Variants in SSBP2 observed in about 807,000 individuals in gnomAD.
The protein encoded by SSBP2 is single-stranded DNA-binding protein 2.
Under a neutral mutation model 61.8 loss-of-function variants are expected in SSBP2, and 17 were observed. The observed-to-expected ratio is 0.28, with a 90% CI of 0.19 to 0.41. The LOEUF is 0.41. Among genes scored for constraint, SSBP2 ranks in the 10% least tolerant of loss-of-function variants. SSBP2 has a pLI of 1.00. For synonymous variants in SSBP2, 139 were observed against 141.3 expected, an observed-to-expected ratio of 0.98 and a Z score of 0.12; for missense variants, 310 against 458.7, an observed-to-expected ratio of 0.68 and a Z score of 2.96.
intron 9 of SSBP2, among the ~76,000 whole-genome samples, chr5:81,463,476 G>C (rs1028662720): frequency 1.3e-5 from 2 of 152,130 alleles, no homozygotes; most frequent in Non-Finnish European, 2.9e-5. Context: ...GAGGCGGGGG[G>C]ACCACTTGAG....
chr5:81,501,814 T>G (rs191656508), intron 5 of SSBP2, among the ~76,000 whole-genome samples: 2 of 152,126 alleles, frequency 1.3e-5, no homozygotes, highest in African/African-American at 4.8e-5. Context: ...CCTCCCGCCT[T>G]GGCCTCCCAA....
At chr5:81,511,720 TACAAC>T (rs1267477541) in intron 5 of SSBP2, among the ~76,000 whole-genome samples, 8 of 152,242 alleles carry the variant, frequency 5.3e-5, no homozygotes, top group Non-Finnish European at 1.0e-4. Context: ...TTTACTCTGT[TACAAC>T]ACATATTTCA....
At chr5:81,741,490 G>GTT (rs1188615645) in intron 1 of SSBP2, among the ~76,000 whole-genome samples, 2 of 151,990 alleles carry the variant, frequency 1.3e-5, no homozygotes, top group Non-Finnish European at 2.9e-5. Context: ...TAAATTTTAG[G>GTT]TTATATATAT....
chr5:81,637,428 C>A (rs976099233), intron 2 of SSBP2, among the ~76,000 whole-genome samples: 5 of 152,194 alleles, frequency 3.3e-5, no homozygotes, highest in African/African-American at 1.2e-4. Flanking sequence ...ATATTACATT[C>A]TCTGTTGAAA....
chr5:81,443,669 T>A (rs1211250763), intron 12 of SSBP2, among the ~76,000 whole-genome samples: 1 of 152,180 alleles, frequency 6.6e-6, no homozygotes, highest in Non-Finnish European at 1.5e-5. Context: ...TTCAAGCGAT[T>A]CTCTTGCCTC....
At chr5:81,605,171 CAG>C (rs1411999492) in intron 4 of SSBP2, among the ~76,000 whole-genome samples, 8 of 148,218 alleles carry the variant, frequency 5.4e-5, no homozygotes, top group East Asian at 1.9e-4. Context: ...ACTCCCTCAA[CAG>C]AGAGAGTTCT....
Position 81,467,490 on chromosome 5 carries a change from G to A in SSBP2, c.571-449C>T, listed in dbSNP as rs1029979242. 7.2e-5 allele frequency among the ~76,000 whole-genome samples: 11 copies of A among 151,832 alleles called. No individual in the cohort carries two copies. The East Asian group carries it at 2.1e-3, about 29-fold the overall frequency. On this transcript the variant is annotated intron_variant, in intron 8 of 16. Coordinates refer to ENST00000320672, the MANE Select transcript of SSBP2 (RefSeq NM_012446.5). ...TGAACCCAACACAAGAAAGTTAAAT[G>A]CAAACTTCTATTCACAAAATAACAT...
rs941324388 is a variant in SSBP2 at position 81,441,110 on chromosome 5, T to A, written c.850-474A>T. ...GTTTAAATGGACATAATAAATAATT[T>A]CATCTTATAGGTTAAATACATTTCA... On this transcript the variant is annotated intron_variant, in intron 13 of 16. Coordinates refer to ENST00000320672, the MANE Select transcript of SSBP2 (RefSeq NM_012446.5). Among the ~76,000 whole-genome samples the A allele has an allele frequency of 3.4e-4, 52 of 152,364 alleles. No homozygotes were observed. In the Middle Eastern group the frequency reaches 0.024, roughly 70 times the overall value.
chr5:81,744,111 T>C (rs2154024873), intron 1 of SSBP2, among the ~76,000 whole-genome samples: 1 of 152,198 alleles, frequency 6.6e-6, no homozygotes, highest in East Asian at 1.9e-4. Flanking sequence ...AATGAGATAA[T>C]GCAGACAAGT....
At chr5:81,526,851 T>C (rs535350122) in intron 4 of SSBP2, among the ~76,000 whole-genome samples, 16 of 151,660 alleles carry the variant, frequency 1.1e-4, no homozygotes, top group African/African-American at 3.6e-4. Context: ...AGGGGAAAAA[T>C]AAGGTGTCCT....
chr5:81,668,263 A>AC (rs1751322021), intron 1 of SSBP2, among the ~76,000 whole-genome samples: 10 of 150,014 alleles, frequency 6.7e-5, no homozygotes, highest in Admixed American at 6.6e-4. Context: ...AAAAAAAAAA[A>AC]AAAAAAAAAA....
chr5:81,508,722 TATC>T (rs1476449621), intron 5 of SSBP2, among the ~76,000 whole-genome samples: 3 of 152,184 alleles, frequency 2.0e-5, no homozygotes, highest in African/African-American at 7.2e-5. Context: ...AGTCTATACT[TATC>T]ATGGAAGAGG....
At chr5:81,711,239 A>G (rs1032716319) in intron 1 of SSBP2, among the ~76,000 whole-genome samples, 2 of 152,092 alleles carry the variant, frequency 1.3e-5, no homozygotes, top group African/African-American at 4.8e-5. Flanking sequence ...AACTAAAACA[A>G]AAGAAACAAT....
intron 3 of SSBP2, among the ~76,000 whole-genome samples, chr5:81,634,213 C>T (rs563675237): frequency 3.9e-5 from 6 of 152,178 alleles, no homozygotes; most frequent in Non-Finnish European, 8.8e-5. Flanking sequence ...GCTTCATCTG[C>T]GTAATAAGAA....
chr5:81,494,896 A>G (rs553007165), intron 5 of SSBP2, among the ~76,000 whole-genome samples: 1 of 152,322 alleles, frequency 6.6e-6, no homozygotes, highest in South Asian at 2.1e-4. Context: ...TGGAGAAAAA[A>G]TTACACCACT....
chr5:81,421,819 G>A (rs1383587079), intron 16 of SSBP2, among the ~76,000 whole-genome samples: 1 of 152,082 alleles, frequency 6.6e-6, no homozygotes, highest in Non-Finnish European at 1.5e-5. Flanking sequence ...TGCCTACTGA[G>A]CATATGACAT....
intron 1 of SSBP2, among the ~76,000 whole-genome samples, chr5:81,705,326 T>TA (rs1754294938): frequency 6.6e-6 from 1 of 152,132 alleles, no homozygotes; most frequent in Admixed American, 6.6e-5. Context: ...GTATAATTCT[T>TA]AAAAATCTAG....
intron 4 of SSBP2, among the ~76,000 whole-genome samples, chr5:81,530,653 C>T (rs1770319130): frequency 6.6e-6 from 1 of 151,990 alleles, no homozygotes; most frequent in African/African-American, 2.4e-5. Flanking sequence ...GGAGAAAACA[C>T]AAACTATTCA....
At chr5:81,742,929 G>GA (rs556293503) in intron 1 of SSBP2, among the ~76,000 whole-genome samples, 1 of 151,920 alleles carries the variant, frequency 6.6e-6, no homozygotes, top group Non-Finnish European at 1.5e-5. Flanking sequence ...ATATGAAAAA[G>GA]AAAAAAGTCT....
Sources: allele counts gnomAD v4.1 joint callset (sites outside exome capture counted in the v4.1 genomes callset), GRCh38; gene constraint gnomAD v4.1.1; transcripts MANE v1.5; gene names NCBI Gene and HGNC (gene_info 2026-07-23, HGNC 2026-07-21).